The following RGS17 variants were observed in gnomAD, a reference collection of about 807,000 sequenced individuals.
RGS17 encodes regulator of G protein signaling 17.
A neutral mutation model predicts 25.5 loss-of-function variants in RGS17; 12 were observed. The observed-to-expected ratio is 0.47, with a 90% CI of 0.30 to 0.76. The LOEUF is 0.76. Ranked by LOEUF, RGS17 falls within the 30% of genes least tolerant of loss-of-function variation. The probability of loss-of-function intolerance (pLI) is 0.07; values close to 1 mark genes in which losing one functional copy is unlikely to be tolerated. For missense variants in RGS17, 196 were observed against 242.2 expected, an observed-to-expected ratio of 0.81 and a Z score of 1.27; for synonymous variants, 71 against 76.9, an observed-to-expected ratio of 0.92 and a Z score of 0.40.
chr6:153,113,418 C>A (rs751158199), intron 1 of RGS17, among the ~76,000 whole-genome samples: 15 of 152,148 alleles, frequency 9.9e-5, no homozygotes, highest in Non-Finnish European at 2.2e-4. Flanking sequence ...CAGGAGCACC[C>A]AGATTGATAA....
intron 1 of RGS17, among the ~76,000 whole-genome samples, chr6:153,052,776 G>A (rs1412479186): frequency 6.6e-6 from 1 of 152,114 alleles, no homozygotes; most frequent in Non-Finnish European, 1.5e-5. Flanking sequence ...AATACTGAAT[G>A]TGTGTGTCCT....
intron 2 of RGS17, among the ~76,000 whole-genome samples, chr6:153,038,111 G>GA (rs1482935612): frequency 6.6e-6 from 1 of 152,168 alleles, no homozygotes; most frequent in African/African-American, 2.4e-5. Context: ...TGAAATTTGA[G>GA]TTTTTTGTCC....
At chr6:153,101,881 C>T (rs1167776673) in intron 1 of RGS17, among the ~76,000 whole-genome samples, 1 of 152,168 alleles carries the variant, frequency 6.6e-6, no homozygotes, top group Non-Finnish European at 1.5e-5. Flanking sequence ...CTGAGACCCC[C>T]AAGTCATGCT....
chr6:153,025,683 T>A (rs1397272653), intron 3 of RGS17, among the ~76,000 whole-genome samples: 2 of 134,492 alleles, frequency 1.5e-5, no homozygotes, highest in Non-Finnish European at 3.2e-5. Context: ...AACATATATA[T>A]AAACATATAT....
intron 1 of RGS17, among the ~76,000 whole-genome samples, chr6:153,052,388 C>T (rs1408106487): frequency 6.6e-6 from 1 of 152,124 alleles, no homozygotes; most frequent in South Asian, 2.1e-4. Context: ...TTCTTCTTTC[C>T]TATTCCTTTG....
At chr6:153,026,196 T>A (rs1317485851) in intron 3 of RGS17, among the ~76,000 whole-genome samples, 1 of 152,182 alleles carries the variant, frequency 6.6e-6, no homozygotes, top group South Asian at 2.1e-4. Context: ...GGGTGCTAAT[T>A]CATAAGACAA....
chr6:153,073,470 C>T (rs1269546715), intron 1 of RGS17, among the ~76,000 whole-genome samples: 1 of 152,118 alleles, frequency 6.6e-6, no homozygotes, highest in Non-Finnish European at 1.5e-5. Flanking sequence ...TGCAGTCAAA[C>T]TTAGAGTGTT....
chr6:153,051,221 C>T (rs1776458087), intron 1 of RGS17, among the ~76,000 whole-genome samples: 1 of 152,072 alleles, frequency 6.6e-6, no homozygotes, highest in South Asian at 2.1e-4. Context: ...TAACAAATAC[C>T]TAAATATGTG....
intron 1 of RGS17, among the ~76,000 whole-genome samples, chr6:153,097,913 C>G (rs1034149242): frequency 6.6e-6 from 1 of 152,012 alleles, no homozygotes; most frequent in African/African-American, 2.4e-5. Flanking sequence ...GGAGCTCTTG[C>G]AAATGACAGT....
At chr6:153,033,303 A>G (rs1776179753) in intron 2 of RGS17, among the ~76,000 whole-genome samples, 1 of 150,000 alleles carries the variant, frequency 6.7e-6, no homozygotes, top group African/African-American at 2.5e-5. Flanking sequence ...TGAAAATAGA[A>G]ATCTACACGG....
chr6:153,021,143 C>T (rs574545803), intron 4 of RGS17, among the ~76,000 whole-genome samples: 22 of 152,280 alleles, frequency 1.4e-4, no homozygotes, highest in Admixed American at 9.8e-4. Flanking sequence ...AACAAATGAA[C>T]TGAATGTTGA....
At chr6:153,076,942 G>A (rs1776888701) in intron 1 of RGS17, among the ~76,000 whole-genome samples, 1 of 152,086 alleles carries the variant, frequency 6.6e-6, no homozygotes, top group Non-Finnish European at 1.5e-5. Flanking sequence ...ACCTTTGTAT[G>A]GGGCCCAAAT....
intron 1 of RGS17, among the ~76,000 whole-genome samples, chr6:153,071,023 A>G (rs992613238): frequency 5.4e-5 from 8 of 148,118 alleles, no homozygotes; most frequent in African/African-American, 7.7e-5. Context: ...ACGTATGTGT[A>G]TATGTATATA....
At chr6:153,069,263 T>C (rs1186345597) in intron 1 of RGS17, among the ~76,000 whole-genome samples, 1 of 152,154 alleles carries the variant, frequency 6.6e-6, no homozygotes, top group African/African-American at 2.4e-5. Context: ...TGGAGTAATA[T>C]TCAGCCATAA....
chr6:153,033,504 G>A (rs921916921), intron 2 of RGS17, among the ~76,000 whole-genome samples: 1 of 152,144 alleles, frequency 6.6e-6, no homozygotes, highest in African/African-American at 2.4e-5. Flanking sequence ...GATCGCCTGA[G>A]CTCAGGAGTT....
At chr6:153,122,882 A>T (rs548538374) in intron 1 of RGS17, among the ~76,000 whole-genome samples, 31 of 151,686 alleles carry the variant, frequency 2.0e-4, no homozygotes, top group Non-Finnish European at 4.0e-4. Flanking sequence ...GCCTCACCCA[A>T]ACAGTAGGTA....
At chr6:153,079,365 G>A (rs370483169) in intron 1 of RGS17, among the ~76,000 whole-genome samples, 36 of 152,270 alleles carry the variant, frequency 2.4e-4, no homozygotes, top group East Asian at 2.3e-3. Context: ...GGTATGAGCC[G>A]CAGCGCCTGG....
intron 1 of RGS17, among the ~76,000 whole-genome samples, chr6:153,072,464 A>G (rs1254938480): frequency 1.3e-5 from 2 of 152,200 alleles, no homozygotes; most frequent in East Asian, 3.8e-4. Context: ...TAACAAACCT[A>G]TAGGGTAGAC....
intron 1 of RGS17, among the ~76,000 whole-genome samples, chr6:153,046,408 A>C (rs942035933): frequency 1.3e-5 from 2 of 152,088 alleles, no homozygotes; most frequent in African/African-American, 4.8e-5. Context: ...ATCCTTTATT[A>C]CCATAGAGTG....
Sources: gnomAD v4.1 joint callset for allele counts (sites outside exome capture counted in the v4.1 genomes callset) on GRCh38, gnomAD v4.1.1 for gene constraint, MANE v1.5 for transcripts, NCBI Gene and HGNC (gene_info 2026-07-23, HGNC 2026-07-21) for gene names.